UNC5D: variants seen among roughly 807,000 people sequenced by gnomAD.
UNC5D encodes the protein unc-5 netrin receptor D.
A neutral mutation model predicts 105.4 loss-of-function variants in UNC5D; 39 were observed. The ratio of observed to expected loss-of-function variants is 0.37; its 90% CI spans 0.29 to 0.48. The LOEUF is 0.48. Ranked by LOEUF, UNC5D falls within the 20% of genes least tolerant of loss-of-function variation. The pLI is 0.98. For synonymous variants in UNC5D, 452 were observed against 450.4 expected, an observed-to-expected ratio of 1.00 and a Z score of -0.04; for missense variants, 991 against 1,202.4, an observed-to-expected ratio of 0.82 and a Z score of 2.60.
intron 3 of UNC5D, among the ~76,000 whole-genome samples, chr8:35,573,451 T>A (rs1817883822): frequency 6.6e-6 from 1 of 151,640 alleles, no homozygotes; most frequent in Non-Finnish European, 1.5e-5. Flanking sequence ...CAAGAACCCA[T>A]CTCTTAGGAA....
chr8:35,521,768 T>G (rs1223541542), intron 1 of UNC5D, among the ~76,000 whole-genome samples: 1 of 152,210 alleles, frequency 6.6e-6, no homozygotes, highest in African/African-American at 2.4e-5. Flanking sequence ...CCTAGTGACC[T>G]CTTTTATTTG....
chr8:35,411,676 T>G (rs183439591), intron 1 of UNC5D, among the ~76,000 whole-genome samples: 56 of 152,228 alleles, frequency 3.7e-4, no homozygotes, highest in Non-Finnish European at 7.4e-5. Flanking sequence ...TTCCTTTAAC[T>G]AACTTTATTT....
intron 1 of UNC5D, among the ~76,000 whole-genome samples, chr8:35,421,274 A>C (rs529543648): frequency 4.1e-4 from 62 of 152,338 alleles, no homozygotes; most frequent in African/African-American, 1.3e-3. Flanking sequence ...GCTGAGGTAC[A>C]GGCTTTGTGC....
At chr8:35,633,208 G>A (rs746096648) in intron 4 of UNC5D, among the ~76,000 whole-genome samples, 1 of 152,182 alleles carries the variant, frequency 6.6e-6, no homozygotes, top group East Asian at 1.9e-4. Flanking sequence ...TGCGTAAAAG[G>A]TTGGTAACAC....
chr8:35,517,075 T>A (rs1813146033), intron 1 of UNC5D, among the ~76,000 whole-genome samples: 1 of 152,212 alleles, frequency 6.6e-6, no homozygotes, highest in Admixed American at 6.5e-5. Flanking sequence ...AAGCACTGAT[T>A]GAAGACTTTG....
At chr8:35,271,674 CATATATAT>C (rs1403240151) in intron 1 of UNC5D, among the ~76,000 whole-genome samples, 10 of 53,788 alleles carry the variant, frequency 1.9e-4, no homozygotes, top group Non-Finnish European at 3.5e-4. Flanking sequence ...TACAGGTATA[CATATATAT>C]GTATACATGT....
intron 5 of UNC5D, among the ~76,000 whole-genome samples, 159 bp from the exon 6 acceptor site, chr8:35,684,423 C>T (rs1384106910): frequency 6.6e-6 from 1 of 152,162 alleles, no homozygotes; most frequent in Non-Finnish European, 1.5e-5. Flanking sequence ...AGATGACTCC[C>T]CCACTGTTGT....
intron 2 of UNC5D, among the ~76,000 whole-genome samples, chr8:35,551,927 T>G (rs1816180231): frequency 1.3e-5 from 2 of 152,078 alleles, no homozygotes; most frequent in African/African-American, 4.8e-5. Flanking sequence ...GGTAAAACTC[T>G]ATCAATAAAG....
chr8:35,508,683 T>C (rs1311211621), intron 1 of UNC5D, among the ~76,000 whole-genome samples: 1 of 152,128 alleles, frequency 6.6e-6, no homozygotes, highest in Admixed American at 6.6e-5. Context: ...GAAAACAAAT[T>C]TGGATAGATT....
At chr8:35,383,166 C>T (rs2128933982) in intron 1 of UNC5D, among the ~76,000 whole-genome samples, 1 of 152,274 alleles carries the variant, frequency 6.6e-6, no homozygotes, top group Non-Finnish European at 1.5e-5. Flanking sequence ...GAAACTTCAT[C>T]ACAATGACAT....
intron 3 of UNC5D, among the ~76,000 whole-genome samples, chr8:35,591,739 A>T (rs576312051): frequency 6.6e-6 from 1 of 152,294 alleles, no homozygotes; most frequent in South Asian, 2.1e-4. Context: ...ATATTACAAT[A>T]GGCACTGGGA....
chr8:35,257,428 T>A (rs1804162941), intron 1 of UNC5D, among the ~76,000 whole-genome samples: 1 of 152,104 alleles, frequency 6.6e-6, no homozygotes, highest in South Asian at 2.1e-4. Context: ...ACCCTACTAG[T>A]GTTATGCTGG....
intron 1 of UNC5D, among the ~76,000 whole-genome samples, chr8:35,336,884 G>T (rs1811087650): frequency 6.7e-6 from 1 of 149,796 alleles, no homozygotes; most frequent in Admixed American, 6.7e-5. Context: ...TGTGGCACTT[G>T]TCACCTGCTT....
intron 1 of UNC5D, among the ~76,000 whole-genome samples, chr8:35,273,576 T>G (rs573596940): frequency 1.8e-4 from 27 of 152,328 alleles, no homozygotes; most frequent in Admixed American, 1.7e-3. Context: ...TTCTTTATGT[T>G]TAGAAAGCTC....
intron 12 of UNC5D, 90 bp from the exon 13 acceptor site, chr8:35,750,492 T>G: frequency 7.5e-7 from 1 of 1,340,322 alleles, no homozygotes; most frequent in Non-Finnish European, 1.1e-6. Flanking sequence ...AAATTTATAT[T>G]TGTGTGTTTA....
chr8:35,441,386 C>A (rs115710255), intron 1 of UNC5D, among the ~76,000 whole-genome samples: 2,566 of 151,948 alleles, frequency 0.017, 83 homozygotes, highest in African/African-American at 0.059. Context: ...TTATAAATCA[C>A]ACTTCATTAT....
chr8:35,446,057 C>G (rs1807766766), intron 1 of UNC5D, among the ~76,000 whole-genome samples: 1 of 151,622 alleles, frequency 6.6e-6, no homozygotes, highest in Non-Finnish European at 1.5e-5. Flanking sequence ...TATTTGGTTA[C>G]CTGAGTAAGT....
At chr8:35,262,381 C>T (rs893846953) in intron 1 of UNC5D, among the ~76,000 whole-genome samples, 16 of 152,086 alleles carry the variant, frequency 1.1e-4, no homozygotes, top group Non-Finnish European at 4.4e-5. Flanking sequence ...GAATATTTGC[C>T]CAATAGGCAG....
At chr8:35,349,956 G>A (rs922366551) in intron 1 of UNC5D, among the ~76,000 whole-genome samples, 6 of 151,938 alleles carry the variant, frequency 3.9e-5, no homozygotes, top group African/African-American at 9.7e-5. Context: ...CAGCACCAGC[G>A]GTTGTGTCTA....
Sources: allele counts gnomAD v4.1 joint callset (sites outside exome capture counted in the v4.1 genomes callset), GRCh38; gene constraint gnomAD v4.1.1; transcripts MANE v1.5; gene names NCBI Gene and HGNC (gene_info 2026-07-23, HGNC 2026-07-21).